The following DNTTIP1 variants were observed in gnomAD, a reference collection of about 807,000 sequenced individuals.
DNTTIP1 encodes deoxynucleotidyltransferase terminal interacting protein 1.
DNTTIP1 carries 22 observed loss-of-function variants against 52.9 expected under a neutral mutation model. The observed-to-expected ratio is 0.42, with a 90% CI of 0.30 to 0.59. The LOEUF (loss-of-function observed/expected upper bound fraction) is 0.59, where lower values mean the gene tolerates loss of function less well. Among genes scored for constraint, DNTTIP1 ranks in the 20% least tolerant of loss-of-function variants. DNTTIP1 has a pLI of 0.22. For missense variants in DNTTIP1, 286 were observed against 435.5 expected, an observed-to-expected ratio of 0.66 and a Z score of 3.06; for synonymous variants, 136 against 155.1, an observed-to-expected ratio of 0.88 and a Z score of 0.92.
At position 45,802,009 on chromosome 20, in the gene DNTTIP1, G is replaced by A; in HGVS notation, c.509G>A (p.Arg170Gln). ...TGTTTTTTGTGGCAGAGGAAAGGACGGCCTCCTGGACACATCCTGTCAAGC... is the reference window on the plus strand; with the variant it reads ...TGTTTTTTGTGGCAGAGGAAAGGACAGCCTCCTGGACACATCCTGTCAAGC... ...GSPLPKKRKG[R>Q]PPGHILSSDR... The change falls in exon 7 of 13, where the codon CGG (arginine) becomes CAG (glutamine). Residue 170 changes from arginine to glutamine, a missense_variant. By Grantham distance (43) the Arg-to-Gln change is conservative. Coordinates refer to ENST00000372622, the MANE Select transcript of DNTTIP1 (RefSeq NM_052951.3). The A allele has an allele frequency of 3.7e-6, 6 of 1,614,186 alleles. No individual in the cohort carries two copies. Among genetic ancestry groups the A allele is most frequent in the Non-Finnish European group, 5.1e-6 (6 of 1,180,040 alleles).
chr20:45,804,157 C>G (rs1981562740), intron 8 of DNTTIP1, among the ~76,000 whole-genome samples: 1 of 152,196 alleles, frequency 6.6e-6, no homozygotes, highest in Non-Finnish European at 1.5e-5. Context: ...CTTGACCACT[C>G]TGCTGGAAGT....
intron 4 of DNTTIP1, among the ~76,000 whole-genome samples, chr20:45,799,862 C>T (rs1254797373): frequency 1.4e-5 from 2 of 143,358 alleles, no homozygotes; most frequent in African/African-American, 2.5e-5. Flanking sequence ...AATCCCAACA[C>T]TTTGGGAGGC....
intron 4 of DNTTIP1, 47 bp from the exon 5 acceptor site, chr20:45,801,027 T>C: frequency 6.5e-7 from 1 of 1,548,922 alleles, no homozygotes; most frequent in Non-Finnish European, 8.9e-7. Context: ...AGGGTGTGCT[T>C]ACCCACCAAA....
At chr20:45,805,965 C>G (rs1281938712) in intron 10 of DNTTIP1, among the ~76,000 whole-genome samples, 3 of 151,188 alleles carry the variant, frequency 2.0e-5, no homozygotes, top group African/African-American at 7.3e-5. Flanking sequence ...GCCTATAATT[C>G]CAGCTACTCA....
At chr20:45,798,793 C>A (rs1237831157) in intron 4 of DNTTIP1, among the ~76,000 whole-genome samples, 1 of 152,214 alleles carries the variant, frequency 6.6e-6, no homozygotes, top group Non-Finnish European at 1.5e-5. Flanking sequence ...GAGGCCTAAT[C>A]TTGTTCACCA....
At position 45,811,084 on chromosome 20, in the gene DNTTIP1, A is replaced by G. The variant is rs766704678; in HGVS notation, c.879A>G (p.Glu293=). The G allele has an allele frequency of 2.2e-5, 36 of 1,613,928 alleles. No individual in the cohort carries two copies. The highest frequency in any genetic ancestry group is 2.1e-4 in the South Asian group (19 of 91,074). Residue 293 remains glutamate (E), a synonymous_variant, in exon 13 of 13, where the codon GAA becomes GAG. Coordinates refer to ENST00000372622, the MANE Select transcript of DNTTIP1 (RefSeq NM_052951.3). ...GATGCCTGGATCTGAAGCTAGAGGAATTGAAATCCTTTGTCCTACCCTCCT... is the reference window on the plus strand; with the variant it reads ...GATGCCTGGATCTGAAGCTAGAGGAGTTGAAATCCTTTGTCCTACCCTCCT... ...YRGCLDLKLE[E]LKSFVLPSWM...
chr20:45,803,249 G>T lies in DNTTIP1; in HGVS notation c.558-84G>T, dbSNP rs894563267. On this transcript the variant is annotated intron_variant, in intron 7 of 12. Coordinates refer to ENST00000372622, the MANE Select transcript of DNTTIP1 (RefSeq NM_052951.3). ...CAGGGCTAAAGTGAGAGTGTGTGAG[G>T]AACTCCTACCACCACCAGCAAGCTG... The T allele has an allele frequency of 4.4e-6, 6 of 1,356,338 alleles. No individual in the cohort carries two copies. In the African/African-American group the frequency reaches 8.6e-5, roughly 19 times the overall value. 84.0% of individuals were successfully genotyped at this position (1,356,338 alleles called of 1,614,324 possible). A position where few individuals can be genotyped will look rare whatever the true frequency, so the allele number is the denominator to read the frequency against.
chr20:45,799,004 C>T (rs1390581339), intron 4 of DNTTIP1, among the ~76,000 whole-genome samples: 2 of 152,166 alleles, frequency 1.3e-5, no homozygotes, highest in African/African-American at 4.8e-5. Context: ...ACTTGATCAC[C>T]CTTCACTGGA....
At position 45,801,090 on chromosome 20, in the gene DNTTIP1, C is replaced by G; in HGVS notation, c.389C>G (p.Ser130Ter). Residue 130 changes from serine to a stop codon, truncating the protein, a stop_gained, in exon 5 of 13, where the codon TCA becomes TGA. Transcript: ENST00000372622. LOFTEE classifies it high-confidence loss of function. ...TCCCTTCAGGCTAAACTGCTCTTTT[C>G]AGATGGAGAAAAAGTAATACCCAGA... ...SCLEQAKLLF[S>*]DGEKVIPRLT... The G allele has an allele frequency of 6.2e-7, 1 of 1,613,910 alleles. No homozygotes were observed. The highest frequency in any genetic ancestry group is 8.5e-7 in the Non-Finnish European group (1 of 1,179,964).
chr20:45,792,365 T>C (rs551055295), intron 1 of DNTTIP1, among the ~76,000 whole-genome samples: 1 of 152,336 alleles, frequency 6.6e-6, no homozygotes, highest in South Asian at 2.1e-4. Flanking sequence ...ATAAAACTTG[T>C]TGTGGGATGG....
At chr20:45,792,181 G>GTTCTCTC in intron 1 of DNTTIP1, 72 bp downstream of exon 1, 1 of 960,832 alleles carries the variant, frequency 1.0e-6, no homozygotes, top group Non-Finnish European at 1.4e-6. Flanking sequence ...CCTGGCCCGC[G>GTTCTCTC]GGCGAGAGAA....
chr20:45,804,555 G>A (rs982178948), intron 8 of DNTTIP1, among the ~76,000 whole-genome samples: 2 of 152,138 alleles, frequency 1.3e-5, no homozygotes, highest in South Asian at 4.1e-4. Flanking sequence ...GCCTACAGAA[G>A]AAATAAAATG....
intron 7 of DNTTIP1, 125 bp from the exon 8 acceptor site, chr20:45,803,208 C>A: frequency 1.1e-6 from 1 of 893,062 alleles, no homozygotes. Flanking sequence ...TATGTGTCAC[C>A]ACGAAGGAGG....
Position 45,809,051 on chromosome 20 carries a change from TG to T in DNTTIP1, c.724-60del, listed in dbSNP as rs1981741284. On this transcript the variant is annotated intron_variant, in intron 10 of 12. Coordinates refer to ENST00000372622, the MANE Select transcript of DNTTIP1 (RefSeq NM_052951.3). The surrounding 1 kb of genome is among the most constrained non-coding windows in gnomAD (Gnocchi z 4.2). ...CTGCTCAAGGGCCAAGAGTATGCTC[TG>T]GGACCAAATGAGAAAAGCCCCTTAC... The T allele has an allele frequency of 6.9e-7, 1 of 1,457,250 alleles. No homozygotes were observed. Among genetic ancestry groups the T allele is most frequent in the Non-Finnish European group, 9.6e-7 (1 of 1,038,970 alleles). 90.3% of individuals were successfully genotyped at this position (1,457,250 alleles called of 1,614,324 possible). A position where few individuals can be genotyped will look rare whatever the true frequency, so the allele number is the denominator to read the frequency against.
At chr20:45,795,047 C>T (rs1981189782) in intron 3 of DNTTIP1, among the ~76,000 whole-genome samples, 1 of 152,074 alleles carries the variant, frequency 6.6e-6, no homozygotes, top group African/African-American at 2.4e-5. Context: ...ATCCGCCCAC[C>T]TCGGCCTCGC....
intron 4 of DNTTIP1, among the ~76,000 whole-genome samples, chr20:45,799,035 G>T (rs1356968293): frequency 2.0e-5 from 3 of 152,222 alleles, no homozygotes; most frequent in Admixed American, 2.0e-4. Context: ...GTTTGGAGGA[G>T]AAGAGCATGA....
rs773947923 is a variant in DNTTIP1, at chr20:45,811,142, A to C, written c.937A>C (p.Thr313Pro). 3.7e-6 allele frequency: 6 copies of C among 1,614,020 alleles called. No homozygotes were observed. Among genetic ancestry groups the C allele is most frequent in the Admixed American group, 3.3e-5 (2 of 59,996 alleles). Residue 313 changes from threonine (T) to proline (P), a missense_variant, in exon 13 of 13, where the codon ACA becomes CCA. Thr to Pro is a conservative substitution (Grantham distance 38). Around this residue, in one of 2 missense-constraint regions of DNTTIP1, gnomAD observed 78 missense variants for 169.0 expected, o/e 0.46. Coordinates refer to ENST00000372622, the MANE Select transcript of DNTTIP1 (RefSeq NM_052951.3). ...GGAGAAGATGAGAAAGTATATGGAG[A>C]CACTACGGACAGAGAATGAGCATCG... is the stretch of plus-strand genomic sequence containing the variant. The part of the protein sequence containing the change: ...MVEKMRKYME[T>P]LRTENEHRAV...
rs773116974 is a variant in DNTTIP1, at chr20:45,810,875, C to T, written c.796-10C>T. 1 of 1,613,962 alleles carries T rather than the reference C, an allele frequency of 6.2e-7. No homozygotes were observed. Among genetic ancestry groups the T allele is most frequent in the Non-Finnish European group, 8.5e-7 (1 of 1,179,856 alleles). ...CAGGCAATGACCACTCTCCCTTGCT[C>T]CTGCCTCAGGCCTACCTCCTCATCG... On this transcript the variant is annotated splice_polypyrimidine_tract_variant and intron_variant, in intron 11 of 12. Coordinates refer to ENST00000372622, the MANE Select transcript of DNTTIP1 (RefSeq NM_052951.3).
At chr20:45,794,599 A>T (rs1197047256) in intron 3 of DNTTIP1, among the ~76,000 whole-genome samples, 1 of 151,800 alleles carries the variant, frequency 6.6e-6, no homozygotes, top group Admixed American at 6.6e-5. Flanking sequence ...TGTGCTGAGC[A>T]CTGTGCTCCA....
Sources: gnomAD v4.1 joint callset for allele counts (sites outside exome capture counted in the v4.1 genomes callset) on GRCh38, gnomAD v4.1.1 for gene constraint, gnomAD v4.1.1 regional missense constraint, Gnocchi (gnomAD v3.1) non-coding constraint, MANE v1.5 for transcripts, NCBI Gene and HGNC (gene_info 2026-07-23, HGNC 2026-07-21) for gene names.